Variants in KSR2 observed in about 807,000 individuals in gnomAD.
The protein encoded by KSR2 is kinase suppressor of ras 2.
In KSR2, 25 loss-of-function variants were observed where a neutral mutation model predicts 107.8. That is an observed-to-expected ratio of 0.23 (90% CI 0.17 to 0.32). The LOEUF is 0.32. Ranked by LOEUF, KSR2 falls within the 10% of genes least tolerant of loss-of-function variation. The pLI is 1.00. For missense variants in KSR2, 887 were observed against 1,268.9 expected (o/e 0.70, Z 4.57); for synonymous variants, 480 against 507.0 (o/e 0.95, Z 0.71).
At chr12:117,753,103 T>C (rs1237222199) in intron 4 of KSR2, among the ~76,000 whole-genome samples, 1 of 152,242 alleles carries the variant, frequency 6.6e-6, no homozygotes, top group Non-Finnish European at 1.5e-5. Context: ...GTCAGAGGGA[T>C]TCTTGATAAC....
intron 1 of KSR2, among the ~76,000 whole-genome samples, chr12:117,934,707 A>G (rs1327206883): frequency 6.6e-6 from 1 of 152,250 alleles, no homozygotes. Context: ...ATCAGTCAAC[A>G]GGCAAGGTCA....
intron 3 of KSR2, among the ~76,000 whole-genome samples, chr12:117,811,825 C>G (rs939496756): frequency 6.6e-6 from 1 of 152,228 alleles, no homozygotes; most frequent in Non-Finnish European, 1.5e-5. Flanking sequence ...TCAAGCTCTA[C>G]TTAGAGTCAC....
chr12:117,739,289 A>G (rs7953223), intron 4 of KSR2, among the ~76,000 whole-genome samples: 8,633 of 152,132 alleles, frequency 0.057, 847 homozygotes, highest in African/African-American at 0.2. Context: ...TGGGAGGAGG[A>G]GCTTGCAGTG....
At chr12:117,722,027 T>C (rs897839394) in intron 4 of KSR2, among the ~76,000 whole-genome samples, 2 of 152,128 alleles carry the variant, frequency 1.3e-5, no homozygotes, top group African/African-American at 4.8e-5. Context: ...ATTAAATGTG[T>C]AATTCCATTT....
chr12:117,961,468 C>T (rs1334628556), intron 1 of KSR2, among the ~76,000 whole-genome samples: 1 of 152,172 alleles, frequency 6.6e-6, no homozygotes, highest in Non-Finnish European at 1.5e-5. Context: ...ATCCTCTATA[C>T]CCAGGCTGGC....
intron 5 of KSR2, among the ~76,000 whole-genome samples, chr12:117,605,736 A>G (rs900683863): frequency 2.0e-5 from 3 of 152,220 alleles, no homozygotes; most frequent in Non-Finnish European, 4.4e-5. Context: ...ATGCCCATCA[A>G]TGATAGACTG....
intron 4 of KSR2, among the ~76,000 whole-genome samples, chr12:117,701,529 A>C (rs1886314841): frequency 6.6e-6 from 1 of 152,156 alleles, no homozygotes; most frequent in Admixed American, 6.5e-5. Flanking sequence ...GTGCTTCTCC[A>C]AAAAAGAAAA....
intron 1 of KSR2, among the ~76,000 whole-genome samples, chr12:117,956,531 G>A (rs1038631006): frequency 3.9e-5 from 6 of 152,128 alleles, no homozygotes; most frequent in Non-Finnish European, 8.8e-5. Context: ...TTGCACCACC[G>A]CATCCCAGCC....
At chr12:117,668,697 C>T (rs1019382037) in intron 4 of KSR2, among the ~76,000 whole-genome samples, 16 of 152,086 alleles carry the variant, frequency 1.1e-4, no homozygotes, top group African/African-American at 2.2e-4. Flanking sequence ...TTTAAAAATG[C>T]CCGTAAGTGA....
intron 5 of KSR2, among the ~76,000 whole-genome samples, chr12:117,658,518 T>C (rs1884282402): frequency 6.6e-6 from 1 of 152,182 alleles, no homozygotes; most frequent in South Asian, 2.1e-4. Context: ...GGATGCTTTG[T>C]GTTACAATGG....
At chr12:117,524,581 C>G (rs1047563329) in intron 14 of KSR2, among the ~76,000 whole-genome samples, 2 of 152,250 alleles carry the variant, frequency 1.3e-5, no homozygotes, top group African/African-American at 4.8e-5. Flanking sequence ...GCGAAAGGAT[C>G]TCTTGAGTCC....
intron 4 of KSR2, chr12:117,677,229 T>C (rs1885171015): frequency 1.3e-5 from 2 of 152,168 alleles, no homozygotes; most frequent in Non-Finnish European, 2.9e-5. Context: ...TTTGTCCCCC[T>C]CAAGTTCCTA....
At chr12:117,933,446 C>T (rs1215408295) in intron 1 of KSR2, among the ~76,000 whole-genome samples, 7 of 151,844 alleles carry the variant, frequency 4.6e-5, no homozygotes, top group Non-Finnish European at 1.0e-4. Flanking sequence ...AAAAATTAGC[C>T]GGGTGTGGTG....
intron 4 of KSR2, among the ~76,000 whole-genome samples, chr12:117,718,676 A>AAGG (rs1887092776): frequency 6.6e-6 from 1 of 152,218 alleles, no homozygotes; most frequent in African/African-American, 2.4e-5. Flanking sequence ...GCACCCTGCC[A>AAGG]TGAAGATTAA....
chr12:117,567,080 T>C (rs546573559), intron 7 of KSR2, among the ~76,000 whole-genome samples: 1 of 152,362 alleles, frequency 6.6e-6, no homozygotes, highest in Non-Finnish European at 1.5e-5. Flanking sequence ...AGAAATGAGA[T>C]GGCCCTGCCT....
At chr12:117,936,539 G>T (rs1205567437) in intron 1 of KSR2, among the ~76,000 whole-genome samples, 69 of 109,008 alleles carry the variant, frequency 6.3e-4, no homozygotes, top group Middle Eastern at 4.5e-3. Context: ...ATTATTAGTA[G>T]TAGTAGTAGT....
At chr12:117,674,167 A>G in intron 4 of KSR2, 1 of 421,500 alleles carries the variant, frequency 2.4e-6, no homozygotes, top group Non-Finnish European at 4.8e-6. Context: ...TGCCCAATTT[A>G]CATACAGTAT....
At chr12:117,843,113 T>C (rs1355091594) in intron 3 of KSR2, among the ~76,000 whole-genome samples, 1 of 152,202 alleles carries the variant, frequency 6.6e-6, no homozygotes, top group African/African-American at 2.4e-5. Flanking sequence ...TTATATGACT[T>C]CATTTCTTTC....
chr12:117,562,064 G>C (rs777747866), intron 7 of KSR2, among the ~76,000 whole-genome samples: 2 of 152,104 alleles, frequency 1.3e-5, no homozygotes, highest in Non-Finnish European at 2.9e-5. Flanking sequence ...CAGGAAAATG[G>C]GTTGGGGGGA....
Sources: gnomAD v4.1 joint callset for allele counts (sites outside exome capture counted in the v4.1 genomes callset) on GRCh38, gnomAD v4.1.1 for gene constraint, MANE v1.5 for transcripts, NCBI Gene and HGNC (gene_info 2026-07-23, HGNC 2026-07-21) for gene names.